PPOX: variants seen among roughly 807,000 people sequenced by gnomAD.
The protein encoded by PPOX is variegate porphyria.
PPOX carries 23 observed loss-of-function variants against 54.1 expected under a neutral mutation model. The ratio of observed to expected loss-of-function variants is 0.43; its 90% CI spans 0.31 to 0.60. PPOX has a LOEUF of 0.60. PPOX is among the 20% of genes least tolerant of loss of function. The pLI, the probability that PPOX is intolerant of heterozygous loss-of-function variation, is 0.13. For missense variants in PPOX, 512 were observed against 601.1 expected, an observed-to-expected ratio of 0.85 and a Z score of 1.55; for synonymous variants, 224 against 236.1, an observed-to-expected ratio of 0.95 and a Z score of 0.47.
rs2101846610 is a variant in PPOX at position 161,167,144 on chromosome 1, CT to C, written c.133del (p.Ser45ProfsTer23). The C allele has an allele frequency of 6.2e-7, 1 of 1,614,188 alleles. No individual in the cohort carries two copies. The highest frequency in any genetic ancestry group is 8.5e-7 in the Non-Finnish European group (1 of 1,180,036). ...GTGAGCGTCTGGGAGGCTGGATTCG[CT>C]CCGTTCGAGGCCCTAATGGTGCTAT... ...SSERLGGWIR[S>X]VRGPNGAIFE... On this transcript the variant is annotated frameshift_variant, in exon 3 of 13. Transcript: ENST00000367999. LOFTEE classifies it high-confidence loss of function.
chr1:161,177,176 G>A (rs1663900946), downstream of PPOX: 7 of 1,135,916 alleles, frequency 6.2e-6, no homozygotes, highest in South Asian at 5.9e-5. Flanking sequence ...TCACCTAGAG[G>A]GGCGTGGTCC....
chr1:161,170,040 G>T lies in PPOX; in HGVS notation c.987+16G>T, dbSNP rs185558102. On this transcript the variant is annotated intron_variant, in intron 9 of 12. Transcript: ENST00000367999. ...GCCTGTCCAGGTATGATAAAGGGAC[G>T]GAGAGGCTGGGCATGGTGGCTCACA... 1 of 1,605,638 alleles carries T rather than the reference G, an allele frequency of 6.2e-7. No homozygotes were observed. Among genetic ancestry groups the T allele is most frequent in the South Asian group, 1.1e-5 (1 of 90,152 alleles).
downstream of PPOX, chr1:161,174,885 G>T: frequency 1.7e-6 from 2 of 1,197,222 alleles, no homozygotes; most frequent in African/African-American, 1.5e-5. Context: ...TAACAGTCTG[G>T]CCTTCTTAAA....
downstream of PPOX, chr1:161,177,128 G>A (rs551285234): frequency 1.4e-5 from 21 of 1,491,112 alleles, no homozygotes; most frequent in Non-Finnish European, 1.6e-5. Context: ...GGGAGAGGGA[G>A]AGCAGGGGCA....
At chr1:161,172,182 T>C, downstream of PPOX, 1 of 1,612,928 alleles carries the variant, frequency 6.2e-7, no homozygotes, top group Admixed American at 1.7e-5. Context: ...TACAGAACCC[T>C]GAGGATCCAG....
downstream of PPOX, chr1:161,172,052 G>A (rs1661640569): frequency 6.2e-7 from 1 of 1,614,156 alleles, no homozygotes; most frequent in Non-Finnish European, 8.5e-7. Flanking sequence ...ATCCCATCTT[G>A]CGTCCAGGAA....
At chr1:161,176,780 C>G in intron 4 of PPOX, 1 of 1,375,302 alleles carries the variant, frequency 7.3e-7, no homozygotes, top group South Asian at 1.3e-5. Context: ...CACCCCCGTA[C>G]CCCCACCCCA....
chr1:161,166,757 C>T, intron 1 of PPOX, 83 bp from the exon 2 acceptor site: 1 of 1,586,272 alleles, frequency 6.3e-7, no homozygotes, highest in East Asian at 2.3e-5. Flanking sequence ...AGTGAGTGGC[C>T]GGGATAGAAC....
At chr1:161,171,544 T>G (rs1299079342), downstream of PPOX, 1 of 588,136 alleles carries the variant, frequency 1.7e-6, no homozygotes, top group African/African-American at 1.9e-5. Context: ...CTGCTCCTAC[T>G]CTAGGGGCAG....
At position 161,166,920 on chromosome 1, in the gene PPOX, C is replaced by G; in HGVS notation, c.73C>G (p.Pro25Ala). 6.2e-7 allele frequency: 1 copy of G among 1,613,980 alleles called. No homozygotes were observed. The highest frequency in any genetic ancestry group is 8.5e-7 in the Non-Finnish European group (1 of 1,180,032). The change falls in exon 2 of 13, where the codon CCC (proline) becomes GCC (alanine). Residue 25 changes from proline (P) to alanine (A), a missense_variant. Transcript: ENST00000367999. ...CGCCAGTTACCACCTGAGCCGGGCC[C>G]CCTGCCCCCCTAAGGTGAGTGCTCC... ...LAASYHLSRA[P>A]CPPKVVLVES...
downstream of PPOX, chr1:161,171,915 G>A (rs750965486): frequency 4.3e-6 from 7 of 1,614,074 alleles, no homozygotes; most frequent in African/African-American, 6.7e-5. Context: ...AGGCTTGGGA[G>A]GAACCAGGTG....
At chr1:161,174,809 G>A, downstream of PPOX, 1 of 632,620 alleles carries the variant, frequency 1.6e-6, no homozygotes, top group African/African-American at 1.8e-5. Flanking sequence ...AATAACCTAA[G>A]CAGATTAAGG....
chr1:161,165,852 G>T, upstream of PPOX: 2 of 175,156 alleles, frequency 1.1e-5, no homozygotes, highest in Non-Finnish European at 2.5e-5. Context: ...AGGTTTCGGG[G>T]ATGGTGCTGG....
chr1:161,165,879 C>G (rs950861819), upstream of PPOX, among the ~76,000 whole-genome samples: 2 of 152,084 alleles, frequency 1.3e-5, no homozygotes, highest in Non-Finnish European at 2.9e-5. Flanking sequence ...ACCTGTGTCC[C>G]CCAGCAGTGA....
upstream of PPOX, chr1:161,166,270 C>G (rs978142244): frequency 1.0e-6 from 1 of 998,902 alleles, no homozygotes. Flanking sequence ...ACTCCCAGCT[C>G]GGCGCTAACA....
At chr1:161,168,911 G>A (rs1052563958) in intron 6 of PPOX, 82 bp from the exon 7 acceptor site, 30 of 1,523,938 alleles carry the variant, frequency 2.0e-5, no homozygotes, top group Non-Finnish European at 2.2e-5. Context: ...TGATCCACCC[G>A]CCTCGGCCTC....
At chr1:161,169,575 G>A in intron 7 of PPOX, 85 bp from the exon 8 acceptor site, 4 of 1,411,592 alleles carry the variant, frequency 2.8e-6, no homozygotes, top group Non-Finnish European at 4.0e-6. Flanking sequence ...GGGTGCCTGG[G>A]AAACTGAGAG....
intron 7 of PPOX, 164 bp downstream of exon 7, chr1:161,169,347 C>G (rs1354803559): frequency 1.3e-5 from 11 of 862,714 alleles, no homozygotes; most frequent in Middle Eastern, 2.6e-4. Flanking sequence ...ATTTGTGAAC[C>G]TTCCTCAAAG....
At chr1:161,177,050 T>C, downstream of PPOX, 4 of 1,535,352 alleles carry the variant, frequency 2.6e-6, no homozygotes, top group South Asian at 2.4e-5. Flanking sequence ...GGGGGTGGCG[T>C]CCTCTACCTT....
Sources: gnomAD v4.1 joint callset for allele counts (sites outside exome capture counted in the v4.1 genomes callset) on GRCh38, gnomAD v4.1.1 for gene constraint, MANE v1.5 for transcripts, NCBI Gene and HGNC (gene_info 2026-07-23, HGNC 2026-07-21) for gene names.